PTPRN2: variants seen among roughly 807,000 people sequenced by gnomAD.
PTPRN2 encodes the protein receptor-type tyrosine-protein phosphatase N2.
A neutral mutation model predicts 118.8 loss-of-function variants in PTPRN2; 74 were observed. The ratio of observed to expected loss-of-function variants is 0.62; its 90% CI spans 0.52 to 0.76. The LOEUF (loss-of-function observed/expected upper bound fraction) is 0.76. Among genes scored for constraint, PTPRN2 ranks in the 30% least tolerant of loss-of-function variants. The probability of loss-of-function intolerance (pLI) is 0.00; values close to 1 mark genes in which losing one functional copy is unlikely to be tolerated. For missense variants in PTPRN2, 1,481 were observed against 1,394.4 expected, an observed-to-expected ratio of 1.06 and a Z score of -0.99; for synonymous variants, 641 against 608.0, an observed-to-expected ratio of 1.05 and a Z score of -0.80.
At chr7:158,109,432 G>A (rs780688774) in intron 10 of PTPRN2, among the ~76,000 whole-genome samples, 16 of 148,116 alleles carry the variant, frequency 1.1e-4, no homozygotes, top group South Asian at 6.5e-4. Flanking sequence ...GACTCTGTGA[G>A]TGAATGATGT....
chr7:158,151,345 C>T (rs377705037), intron 6 of PTPRN2, among the ~76,000 whole-genome samples: 1 of 137,098 alleles, frequency 7.3e-6, no homozygotes. Flanking sequence ...TCCCTGCCCA[C>T]ACCGCCCGCC....
chr7:158,200,859 A>G (rs1826589365), intron 4 of PTPRN2, among the ~76,000 whole-genome samples: 3 of 152,224 alleles, frequency 2.0e-5, no homozygotes, highest in Non-Finnish European at 4.4e-5. Flanking sequence ...GCAAGTGAGA[A>G]TTCATCAGTT....
intron 9 of PTPRN2, among the ~76,000 whole-genome samples, chr7:158,132,553 C>T (rs1563482800): frequency 6.6e-6 from 1 of 151,142 alleles, no homozygotes; most frequent in South Asian, 2.1e-4. Context: ...CACATGCATA[C>T]ACAGACATCT....
intron 12 of PTPRN2, among the ~76,000 whole-genome samples, chr7:157,775,830 C>T (rs894405525): frequency 1.3e-5 from 2 of 152,082 alleles, no homozygotes; most frequent in Non-Finnish European, 2.9e-5. Flanking sequence ...GTAAGCCTGG[C>T]GTGGCCAGAA....
intron 6 of PTPRN2, among the ~76,000 whole-genome samples, 169 bp downstream of exon 6, chr7:158,166,762 G>A (rs960489594): frequency 2.0e-5 from 3 of 152,212 alleles, no homozygotes; most frequent in Non-Finnish European, 2.9e-5. Context: ...GAGAGGGTAT[G>A]AGGGCCGAAG....
rs76342802 is a variant in PTPRN2, at chr7:157,944,347, C to T, written c.1724-45610G>A. 4.6e-5 allele frequency among the ~76,000 whole-genome samples: 7 copies of T among 152,298 alleles called. No homozygotes were observed. The East Asian group carries it at 1.4e-3, about 29-fold the overall frequency. On this transcript the variant is annotated intron_variant, in intron 11 of 22. Coordinates refer to ENST00000389418, the MANE Select transcript of PTPRN2 (RefSeq NM_002847.5). This position sits in a 1 kb window ranked among gnomAD's most constrained non-coding sequence, Gnocchi z 4.3. ...CCCACCACCCAAGCGGGGGCGGTACCACTCCCACCACTGACTGAACCTTGG... is the reference window on the plus strand; with the variant it reads ...CCCACCACCCAAGCGGGGGCGGTACTACTCCCACCACTGACTGAACCTTGG...
At chr7:157,915,561 C>T (rs1007462364) in intron 11 of PTPRN2, among the ~76,000 whole-genome samples, 3 of 151,890 alleles carry the variant, frequency 2.0e-5, no homozygotes, top group African/African-American at 4.8e-5. Context: ...GTCACCATTA[C>T]CCTGCAGTCA....
At chr7:157,576,881 G>A in intron 18 of PTPRN2, 102 bp from the exon 19 acceptor site, 1 of 1,213,360 alleles carries the variant, frequency 8.2e-7, no homozygotes, top group Non-Finnish European at 1.1e-6. Flanking sequence ...CCAGAGAAGG[G>A]GGCGCTGCGA....
At chr7:158,351,356 C>G (rs1419246093) in intron 2 of PTPRN2, among the ~76,000 whole-genome samples, 1 of 152,114 alleles carries the variant, frequency 6.6e-6, no homozygotes, top group Non-Finnish European at 1.5e-5. Flanking sequence ...TCCCTGAGTC[C>G]CTTTTGGGTT....
intron 10 of PTPRN2, among the ~76,000 whole-genome samples, chr7:158,109,724 C>T (rs1585467894): frequency 6.6e-6 from 1 of 151,488 alleles, no homozygotes. Flanking sequence ...GACGTCACCC[C>T]TGTGTGATGA....
At chr7:157,927,467 C>A (rs1470019775) in intron 11 of PTPRN2, among the ~76,000 whole-genome samples, 2 of 110,954 alleles carry the variant, frequency 1.8e-5, no homozygotes, top group Admixed American at 1.0e-4. Context: ...AGGGACCCTT[C>A]TGAGAACAGA....
chr7:157,601,099 C>T (rs543420259), intron 16 of PTPRN2, among the ~76,000 whole-genome samples: 13 of 152,272 alleles, frequency 8.5e-5, no homozygotes, highest in South Asian at 2.1e-4. Flanking sequence ...AACTTGGTGT[C>T]CTCAGTAATA....
intron 11 of PTPRN2, among the ~76,000 whole-genome samples, chr7:157,969,684 G>C (rs1802185492): frequency 6.6e-6 from 1 of 152,046 alleles, no homozygotes; most frequent in South Asian, 2.1e-4. Context: ...TTGAGTCCTG[G>C]TGGGAGCAGA....
In PTPRN2 at chr7:158,480,327, T is replaced by C. The variant is rs913893634; in HGVS notation, c.163+9408A>G. Among the ~76,000 whole-genome samples, 6 of 152,212 alleles carry C rather than the reference T, an allele frequency of 3.9e-5. No homozygotes were observed. In the South Asian group the frequency reaches 1.2e-3, roughly 32 times the overall value. ...TTTGGGGCACCATGAACCGTGCCCA[T>C]AGAAGACAGTGAGCATAACTGATCA... On this transcript the variant is annotated intron_variant, in intron 2 of 22. Coordinates refer to ENST00000389418, the MANE Select transcript of PTPRN2 (RefSeq NM_002847.5).
intron 12 of PTPRN2, among the ~76,000 whole-genome samples, chr7:157,860,725 G>C (rs1444092664): frequency 6.6e-6 from 1 of 152,232 alleles, no homozygotes; most frequent in Non-Finnish European, 1.5e-5. Context: ...CAATTACTCT[G>C]TGGGTAGAGA....
intron 4 of PTPRN2, among the ~76,000 whole-genome samples, chr7:158,202,709 C>G (rs1826733184): frequency 6.6e-6 from 1 of 152,148 alleles, no homozygotes; most frequent in Admixed American, 6.5e-5. Flanking sequence ...TCAACACTCA[C>G]AAAGAAAGAA....
chr7:158,049,615 T>A (rs1004596104), intron 11 of PTPRN2, among the ~76,000 whole-genome samples: 7 of 152,186 alleles, frequency 4.6e-5, no homozygotes, highest in African/African-American at 4.8e-5. Flanking sequence ...GAATGCAACC[T>A]GAGGCCGGGC....
Position 157,813,356 on chromosome 7 carries a change from C to T in PTPRN2, c.1788+85317G>A, listed in dbSNP as rs987717271. ...CTAGGACAACAAAGACCAAGGACAG[C>T]GGGGAACGGTGGGGAGGGAAGAGGG... On this transcript the variant is annotated intron_variant, in intron 12 of 22. Transcript: ENST00000389418. The surrounding 1 kb of genome is among the most constrained non-coding windows in gnomAD (Gnocchi z 4.7). 4.6e-5 allele frequency among the ~76,000 whole-genome samples: 7 copies of T among 151,990 alleles called. No individual in the cohort carries two copies. Among genetic ancestry groups the T allele is most frequent in the Admixed American group, 2.6e-4 (4 of 15,266 alleles).
intron 11 of PTPRN2, among the ~76,000 whole-genome samples, chr7:158,058,086 A>C (rs1192851353): frequency 6.6e-6 from 1 of 152,252 alleles, no homozygotes; most frequent in Non-Finnish European, 1.5e-5. Context: ...CTTTTCTTCC[A>C]TGAAAATCTA....
Sources: allele counts gnomAD v4.1 joint callset (sites outside exome capture counted in the v4.1 genomes callset), GRCh38; gene constraint gnomAD v4.1.1; non-coding constraint Gnocchi (gnomAD v3.1); transcripts MANE v1.5; gene names NCBI Gene and HGNC (gene_info 2026-07-23, HGNC 2026-07-21).